HPSE2: variants seen among roughly 807,000 people sequenced by gnomAD.
The protein encoded by HPSE2 is heparanase 2 (inactive).
Under a neutral mutation model 60.5 loss-of-function variants are expected in HPSE2, and 38 were observed. That is an observed-to-expected ratio of 0.63 (90% CI 0.48 to 0.82). HPSE2 has a LOEUF of 0.82. Among genes scored for constraint, HPSE2 ranks in the 40% least tolerant of loss-of-function variants. The probability of loss-of-function intolerance (pLI) is 0.00; values close to 1 mark genes in which losing one functional copy is unlikely to be tolerated. For synonymous variants in HPSE2, 295 were observed against 293.2 expected, an observed-to-expected ratio of 1.01 and a Z score of -0.06; for missense variants, 713 against 740.4, an observed-to-expected ratio of 0.96 and a Z score of 0.43.
At chr10:99,164,803 T>C (rs1847001926) in intron 2 of HPSE2, among the ~76,000 whole-genome samples, 1 of 152,108 alleles carries the variant, frequency 6.6e-6, no homozygotes, top group Non-Finnish European at 1.5e-5. Flanking sequence ...GGTGGGCAGA[T>C]CACGAGGTCA....
At chr10:99,276,816 C>T in the HPSE2 span, among the ~76,000 whole-genome samples, 3 of 151,888 alleles carry the variant, frequency 2.0e-5, no homozygotes, top group African/African-American at 7.3e-5. Flanking sequence ...AATTAGATGC[C>T]GTGGAGTGAC....
chr10:98,866,869 A>C (rs192994410), intron 3 of HPSE2, among the ~76,000 whole-genome samples: 1 of 152,350 alleles, frequency 6.6e-6, no homozygotes, highest in African/African-American at 2.4e-5. Flanking sequence ...CTGAACTATA[A>C]GAAATGTTAA....
At chr10:98,462,232 GCAGTGGTGCATTCTTGGCT>G (rs1344640478) in intron 11 of HPSE2, among the ~76,000 whole-genome samples, 2 of 152,122 alleles carry the variant, frequency 1.3e-5, no homozygotes, top group Non-Finnish European at 2.9e-5. Context: ...AGGCTGCAGT[GCAGTGGTGCATTCTTGGCT>G]CACTGCAACC....
intron 4 of HPSE2, among the ~76,000 whole-genome samples, chr10:98,726,665 TAA>T (rs1211866733): frequency 7.1e-6 from 1 of 141,298 alleles, no homozygotes; most frequent in Non-Finnish European, 1.5e-5. Flanking sequence ...ATAATAATAA[TAA>T]AAGAAATATA....
chr10:98,653,260 T>C (rs1016069254), intron 6 of HPSE2, among the ~76,000 whole-genome samples: 1 of 152,188 alleles, frequency 6.6e-6, no homozygotes, highest in Non-Finnish European at 1.5e-5. Context: ...TTGGGTTTAT[T>C]GTAGGCAACA....
At chr10:98,776,131 G>A (rs1950334143) in intron 3 of HPSE2, among the ~76,000 whole-genome samples, 1 of 151,996 alleles carries the variant, frequency 6.6e-6, no homozygotes, top group Non-Finnish European at 1.5e-5. Flanking sequence ...TTCCCGGGGA[G>A]CTTTCTAAAC....
At position 99,047,938 on chromosome 10, in the gene HPSE2, T is replaced by C. The variant is rs1455221087; in HGVS notation, c.610+96300A>G. 6 of 750,358 alleles carry C rather than the reference T, an allele frequency of 8.0e-6. No homozygotes were observed. In the East Asian group the frequency reaches 1.5e-4, roughly 18 times the overall value. 46.5% of individuals were successfully genotyped at this position (750,358 alleles called of 1,614,324 possible). On this transcript the variant is annotated intron_variant, in intron 3 of 11. Transcript: ENST00000370552. Reference sequence around the variant, plus strand: ...TCCTCAGGATCAGAGGTATCGATGGTGTTAGCCCAAAGGTCCGAAAGATGT... The same window carrying C: ...TCCTCAGGATCAGAGGTATCGATGGCGTTAGCCCAAAGGTCCGAAAGATGT...
At chr10:98,908,680 T>G (rs368934007) in intron 3 of HPSE2, among the ~76,000 whole-genome samples, 863 of 44,992 alleles carry the variant, frequency 0.019, 7 homozygotes, top group African/African-American at 0.067. Context: ...CGTAGCTCCA[T>G]CTCAAAAAAA....
intron 2 of HPSE2, among the ~76,000 whole-genome samples, chr10:99,199,361 C>G (rs7084648): frequency 0.49 from 75,012 of 151,984 alleles, 21,701 homozygotes; most frequent in Non-Finnish European, 0.64. Flanking sequence ...GCTATCCTAA[C>G]AGGTATGAAG....
chr10:99,053,243 T>C (rs1259376609), intron 3 of HPSE2, among the ~76,000 whole-genome samples: 1 of 151,976 alleles, frequency 6.6e-6, no homozygotes, highest in African/African-American at 2.4e-5. Context: ...GGGTGAGAAG[T>C]TAAATAAAAT....
chr10:99,099,585 A>C (rs370468168), intron 3 of HPSE2, among the ~76,000 whole-genome samples: 6 of 152,216 alleles, frequency 3.9e-5, no homozygotes, highest in Admixed American at 2.0e-4. Context: ...AGCTGAACAA[A>C]AGGCAGCAGA....
chr10:98,585,767 C>T (rs974118700), intron 9 of HPSE2, among the ~76,000 whole-genome samples: 4 of 151,484 alleles, frequency 2.6e-5, no homozygotes, highest in South Asian at 2.1e-4. Flanking sequence ...GCCTGGCCAA[C>T]GTGGTGAAAC....
At chr10:99,299,749 C>T in the HPSE2 span, among the ~76,000 whole-genome samples, 25 of 152,096 alleles carry the variant, frequency 1.6e-4, 1 homozygote, top group South Asian at 4.6e-3. Context: ...GCAGTCAAGC[C>T]AGTAAATTAT....
At chr10:98,560,925 T>C (rs1944157008) in intron 9 of HPSE2, among the ~76,000 whole-genome samples, 1 of 152,212 alleles carries the variant, frequency 6.6e-6, no homozygotes, top group African/African-American at 2.4e-5. Context: ...TGCATAATAT[T>C]TGATATGATA....
rs1469234110 is a variant in HPSE2, at chr10:98,661,268, T to G, written c.1005-19328A>C. On this transcript the variant is annotated intron_variant, in intron 6 of 11. Transcript: ENST00000370552. ...CTAATGAAGTCCCAAAGGATTCTGG[T>G]CTTGGAGAAGAAAATATAGTTTACT... Among the ~76,000 whole-genome samples the G allele has an allele frequency of 2.6e-5, 4 of 152,352 alleles. No homozygotes were observed. The East Asian group carries it at 5.8e-4, about 22-fold the overall frequency.
At chr10:98,885,000 G>A (rs998220501) in intron 3 of HPSE2, among the ~76,000 whole-genome samples, 6 of 152,148 alleles carry the variant, frequency 3.9e-5, no homozygotes, top group Non-Finnish European at 5.9e-5. Flanking sequence ...ATGGATCTAA[G>A]CAAAGCAAAT....
At chr10:99,305,037 G>A in the HPSE2 span, among the ~76,000 whole-genome samples, 5 of 152,330 alleles carry the variant, frequency 3.3e-5, no homozygotes, top group Middle Eastern at 3.4e-3. Flanking sequence ...TGAAAGCCCT[G>A]GAGATTAATA....
chr10:98,977,509 T>C (rs553242102), intron 3 of HPSE2, among the ~76,000 whole-genome samples: 45 of 152,268 alleles, frequency 3.0e-4, no homozygotes, highest in African/African-American at 1.0e-3. Context: ...TTACATTTTC[T>C]TGTAATCAAT....
chr10:99,061,208 C>T (rs1958235123), intron 3 of HPSE2, among the ~76,000 whole-genome samples: 1 of 151,996 alleles, frequency 6.6e-6, no homozygotes, highest in Admixed American at 6.6e-5. Flanking sequence ...GAAAAGAAAT[C>T]CAGATGTTGA....
Sources: gnomAD v4.1 joint callset for allele counts (sites outside exome capture counted in the v4.1 genomes callset) on GRCh38, gnomAD v4.1.1 for gene constraint, MANE v1.5 for transcripts, NCBI Gene and HGNC (gene_info 2026-07-23, HGNC 2026-07-21) for gene names.